Variants in AMMECR1 observed in about 807,000 individuals in gnomAD.
AMMECR1 encodes the protein AMMECR nuclear protein 1.
AMMECR1 carries 3 observed loss-of-function variants against 22.5 expected under a neutral mutation model. The observed-to-expected ratio is 0.13, with a 90% CI of 0.06 to 0.35. The LOEUF (loss-of-function observed/expected upper bound fraction) is 0.35, where lower values mean the gene tolerates loss of function less well. Among genes scored for constraint, AMMECR1 ranks in the 10% least tolerant of loss-of-function variants. The pLI is 1.00. For missense variants in AMMECR1, 235 were observed against 278.7 expected, an observed-to-expected ratio of 0.84 and a Z score of 1.12; for synonymous variants, 130 against 116.7, an observed-to-expected ratio of 1.11 and a Z score of -0.74.
chrX:110,199,461 C>T (rs2067386456), intron 5 of AMMECR1, among the ~76,000 whole-genome samples: 1 of 110,961 alleles, frequency 9.0e-6, no homozygotes, highest in Non-Finnish European at 1.9e-5. Flanking sequence ...TCAATCATAT[C>T]TAGCCATGAG....
At chrX:110,290,443 T>A (rs1602864084) in intron 1 of AMMECR1, among the ~76,000 whole-genome samples, 1 of 112,216 alleles carries the variant, frequency 8.9e-6, no homozygotes, top group South Asian at 3.7e-4. Flanking sequence ...TTAGGCTGTA[T>A]GATTACTCTG....
intron 1 of AMMECR1, among the ~76,000 whole-genome samples, chrX:110,298,279 T>C (rs1388063075): frequency 1.8e-5 from 2 of 111,852 alleles, no homozygotes; most frequent in Non-Finnish European, 3.8e-5. Context: ...ATTTTTAAAA[T>C]GCATTTCATT....
intron 1 of AMMECR1, among the ~76,000 whole-genome samples, chrX:110,269,584 A>G (rs1422653476): frequency 2.7e-5 from 3 of 111,046 alleles, no homozygotes; most frequent in Non-Finnish European, 3.8e-5. Context: ...TTCTTCTGCC[A>G]TCAAATAATG....
upstream of AMMECR1, among the ~76,000 whole-genome samples, chrX:110,322,230 T>C (rs1336774415): frequency 8.9e-6 from 1 of 112,203 alleles, no homozygotes; most frequent in Non-Finnish European, 1.9e-5. Flanking sequence ...TAATATCTAC[T>C]CTGAATGTGG....
intron 1 of AMMECR1, among the ~76,000 whole-genome samples, chrX:110,314,063 A>G (rs2068036515): frequency 9.0e-6 from 1 of 111,697 alleles, no homozygotes; most frequent in Non-Finnish European, 1.9e-5. Context: ...AATGGGGCCC[A>G]ACAATTTGTG....
chrX:110,249,573 T>C (rs1432097400), intron 2 of AMMECR1, among the ~76,000 whole-genome samples: 8 of 111,225 alleles, frequency 7.2e-5, no homozygotes, highest in Admixed American at 1.9e-4. Context: ...ACAAGTATGA[T>C]TGGGACACAT....
intron 2 of AMMECR1, among the ~76,000 whole-genome samples, chrX:110,249,089 G>A (rs756466471): frequency 1.3e-4 from 14 of 111,771 alleles, no homozygotes; most frequent in Admixed American, 2.8e-4. Context: ...TATTAAGGGA[G>A]ACAGTGCCTC....
chrX:110,375,784 A>G (rs183921460), intron 2 of AMMECR1, among the ~76,000 whole-genome samples: 427 of 112,260 alleles, frequency 3.8e-3, no homozygotes, highest in Middle Eastern at 0.014. Flanking sequence ...AATGATTTCA[A>G]GTTTTCTTAG....
At position 110,196,421 on chromosome X, in the gene AMMECR1, T is replaced by C. The variant is rs1328186808; in HGVS notation, c.*2099A>G. On this transcript the variant is annotated 3_prime_UTR_variant, in exon 6 of 6. Transcript: ENST00000262844. ...TTTGTTTTTTTTTTGTTTGTTTTTT[T>C]TTGCAGCAGACAATATCATTCAGCT... The C allele has an allele frequency of 9.1e-6, 1 of 109,629 alleles. No homozygotes were observed. The highest frequency in any genetic ancestry group is 3.3e-5 in the African/African-American group (1 of 30,150). 9.0% of individuals were successfully genotyped at this position (109,629 alleles called of 1,213,427 possible).
intron 1 of AMMECR1, among the ~76,000 whole-genome samples, chrX:110,315,791 TC>T (rs972991285): frequency 8.9e-6 from 1 of 111,928 alleles, no homozygotes; most frequent in Non-Finnish European, 1.9e-5. Flanking sequence ...ATTTTTGCAG[TC>T]CCATGACTTT....
At chrX:110,377,108 G>C (rs1194417862) in intron 2 of AMMECR1, among the ~76,000 whole-genome samples, 1 of 111,457 alleles carries the variant, frequency 9.0e-6, no homozygotes, top group Non-Finnish European at 1.9e-5. Flanking sequence ...GGGCCCTCAA[G>C]CTTTTCCCCT....
chrX:110,293,096 A>G lies in AMMECR1; in HGVS notation c.473+24503T>C, dbSNP rs756584758. ...ATGTATAGTATGCTACTCTTTGTGC[A>G]AAACAAAAAGACATGCATATGTACA... On this transcript the variant is annotated intron_variant, in intron 1 of 5. Coordinates refer to ENST00000262844, the MANE Select transcript of AMMECR1 (RefSeq NM_015365.3). 3.0e-3 allele frequency among the ~76,000 whole-genome samples: 334 copies of G among 112,649 alleles called. 1 individual carries two copies. The highest frequency in any genetic ancestry group is 9.6e-3 in the African/African-American group (297 of 31,071).
At chrX:110,437,432 A>G (rs906459527) in intron 1 of AMMECR1, among the ~76,000 whole-genome samples, 3 of 112,243 alleles carry the variant, frequency 2.7e-5, no homozygotes, top group African/African-American at 6.5e-5. Flanking sequence ...CCCATTTTAC[A>G]GATGAGGTTT....
At chrX:110,359,621 C>G (rs958708671) in intron 2 of AMMECR1, among the ~76,000 whole-genome samples, 4 of 111,598 alleles carry the variant, frequency 3.6e-5, no homozygotes, top group African/African-American at 1.3e-4. Context: ...ATTTAACTAT[C>G]TATTCATTAA....
chrX:110,218,401 T>C (rs1374260314), intron 2 of AMMECR1, among the ~76,000 whole-genome samples: 3 of 110,804 alleles, frequency 2.7e-5, no homozygotes, highest in Admixed American at 1.9e-4. Flanking sequence ...AAAATTACTA[T>C]TTTAGCCATT....
At chrX:110,373,000 A>T (rs1352356740) in intron 2 of AMMECR1, among the ~76,000 whole-genome samples, 1 of 112,411 alleles carries the variant, frequency 8.9e-6, no homozygotes, top group Non-Finnish European at 1.9e-5. Context: ...AATAATAACA[A>T]ATCTTATTTA....
At chrX:110,426,780 G>C (rs1202212269) in exon 2 of AMMECR1, 1 of 111,725 alleles carries the variant, frequency 9.0e-6, no homozygotes, top group African/African-American at 3.3e-5. Context: ...AAGTTGATTA[G>C]GGTCAAGGTG....
intron 2 of AMMECR1, among the ~76,000 whole-genome samples, chrX:110,365,828 G>A (rs2068293589): frequency 8.9e-6 from 1 of 112,001 alleles, no homozygotes; most frequent in African/African-American, 3.2e-5. Flanking sequence ...TATGCAAAGT[G>A]CCAAGCATAG....
chrX:110,399,848 GT>G (rs2068552301), intron 2 of AMMECR1, among the ~76,000 whole-genome samples: 1 of 111,995 alleles, frequency 8.9e-6, no homozygotes, highest in Admixed American at 9.5e-5. Flanking sequence ...ATTAAAAAAT[GT>G]TCCTTCTCTA....
Sources: allele counts gnomAD v4.1 joint callset (sites outside exome capture counted in the v4.1 genomes callset), GRCh38; gene constraint gnomAD v4.1.1; transcripts MANE v1.5; gene names NCBI Gene and HGNC (gene_info 2026-07-23, HGNC 2026-07-21).